DOCK2: variants seen among roughly 807,000 people sequenced by gnomAD.
DOCK2 encodes dedicator of cytokinesis 2, also known as dedicator of cytokinesis protein 2.
Under a neutral mutation model 248.9 loss-of-function variants are expected in DOCK2, and 87 were observed. The observed-to-expected ratio is 0.35, with a 90% CI of 0.29 to 0.42. The LOEUF is 0.42. DOCK2 is among the 10% of genes least tolerant of loss of function. The pLI is 1.00. For synonymous variants in DOCK2, 805 were observed against 821.6 expected, an observed-to-expected ratio of 0.98 and a Z score of 0.35; for missense variants, 1,747 against 2,300.2, an observed-to-expected ratio of 0.76 and a Z score of 4.92.
At chr5:169,868,756 A>G (rs554191173) in intron 27 of DOCK2, among the ~76,000 whole-genome samples, 5 of 152,320 alleles carry the variant, frequency 3.3e-5, no homozygotes, top group African/African-American at 1.2e-4. Context: ...AGTTGTCCCC[A>G]TCTCAAAAAG....
chr5:169,867,777 A>G (rs542702029), intron 27 of DOCK2, among the ~76,000 whole-genome samples: 33 of 152,026 alleles, frequency 2.2e-4, no homozygotes, highest in Non-Finnish European at 4.0e-4. Flanking sequence ...CTGCACCCCT[A>G]TTTGTCTGGG....
intron 25 of DOCK2, among the ~76,000 whole-genome samples, chr5:169,800,612 T>G (rs1157333501): frequency 6.6e-6 from 1 of 152,212 alleles, no homozygotes; most frequent in Non-Finnish European, 1.5e-5. Flanking sequence ...AAGTCTTCTA[T>G]GAACCTTCTG....
chr5:170,070,042 C>T (rs780995709), intron 46 of DOCK2, among the ~76,000 whole-genome samples: 8 of 152,192 alleles, frequency 5.3e-5, no homozygotes, highest in African/African-American at 1.7e-4. Context: ...TCGGCTAGAT[C>T]CCTCTCATAG....
intron 23 of DOCK2, among the ~76,000 whole-genome samples, chr5:169,749,992 T>C (rs1420512900): frequency 6.6e-6 from 1 of 152,160 alleles, no homozygotes. Context: ...TGTTGGGATA[T>C]CTGGAGAGAG....
rs1767111264 is a variant in DOCK2 at position 169,803,223 on chromosome 5, A to C, written c.2703+17A>C. On this transcript the variant is annotated intron_variant, in intron 26 of 51. Transcript: ENST00000520908. The stretch of plus-strand genomic sequence containing the variant: ...CAGGATGCGGTGAGTCCTCCTGATG[A>C]TGTAGATATCCTGGACTCAGACTAG... The C allele has an allele frequency of 2.5e-6, 4 of 1,610,160 alleles. No homozygotes were observed. The East Asian group carries it at 8.9e-5, about 36-fold the overall frequency.
chr5:170,034,627 C>A (rs563350306), intron 35 of DOCK2, 72 bp downstream of exon 35: 10 of 1,573,714 alleles, frequency 6.4e-6, no homozygotes, highest in African/African-American at 1.4e-5. Context: ...TTGGGTCTCA[C>A]GATTGTTCTT....
At chr5:170,042,328 A>G (rs966507912) in intron 38 of DOCK2, among the ~76,000 whole-genome samples, 196 bp downstream of exon 38, 1 of 152,134 alleles carries the variant, frequency 6.6e-6, no homozygotes, top group African/African-American at 2.4e-5. Flanking sequence ...TCACCTGGAC[A>G]CTGCGATGGA....
chr5:169,733,045 G>A (rs1036362461), intron 22 of DOCK2, among the ~76,000 whole-genome samples: 1 of 152,084 alleles, frequency 6.6e-6, no homozygotes, highest in African/African-American at 2.4e-5. Flanking sequence ...CTGTTATGAA[G>A]AGATAAGAGG....
At chr5:169,978,428 G>A (rs1348774574) in intron 27 of DOCK2, among the ~76,000 whole-genome samples, 1 of 146,688 alleles carries the variant, frequency 6.8e-6, no homozygotes, top group Non-Finnish European at 1.5e-5. Context: ...TGCATTAGAG[G>A]TTGTTAAATA....
chr5:169,833,270 T>C (rs1769346808), intron 26 of DOCK2, among the ~76,000 whole-genome samples: 1 of 152,242 alleles, frequency 6.6e-6, no homozygotes, highest in Non-Finnish European at 1.5e-5. Flanking sequence ...CTTCTAAATA[T>C]TCAAACATGA....
intron 27 of DOCK2, among the ~76,000 whole-genome samples, chr5:169,921,534 T>C (rs1775174476): frequency 6.6e-6 from 1 of 152,344 alleles, no homozygotes; most frequent in Admixed American, 6.5e-5. Flanking sequence ...TGGAAAATGT[T>C]GCCTCTTTCC....
At chr5:169,804,485 T>TGTGC (rs61431388) in intron 26 of DOCK2, among the ~76,000 whole-genome samples, 2,573 of 67,858 alleles carry the variant, frequency 0.038, 38 homozygotes, top group East Asian at 0.082. Flanking sequence ...TGTGTGTGTG[T>TGTGC]GCGCGCGCGC....
intron 23 of DOCK2, among the ~76,000 whole-genome samples, chr5:169,758,508 G>A (rs1264249735): frequency 6.6e-6 from 1 of 152,126 alleles, no homozygotes; most frequent in South Asian, 2.1e-4. Context: ...ATTAAAAAAG[G>A]GATGAAGGCA....
chr5:170,081,706 G>T (rs146080331), intron 50 of DOCK2, 136 bp from the exon 51 acceptor site: 331 of 1,002,606 alleles, frequency 3.3e-4, no homozygotes, highest in Non-Finnish European at 4.5e-4. Flanking sequence ...TAGGCATCCT[G>T]CCTCCTGCTT....
At chr5:170,022,876 T>C (rs764699542) in intron 33 of DOCK2, among the ~76,000 whole-genome samples, 3 of 152,176 alleles carry the variant, frequency 2.0e-5, no homozygotes, top group African/African-American at 2.4e-5. Flanking sequence ...GATGGAGGCA[T>C]TTAGACCCCC....
intron 22 of DOCK2, among the ~76,000 whole-genome samples, chr5:169,728,881 G>A (rs1328012837): frequency 6.6e-6 from 1 of 152,176 alleles, no homozygotes; most frequent in Admixed American, 6.5e-5. Context: ...TTTAAATGGT[G>A]TGGAATGAGG....
intron 26 of DOCK2, among the ~76,000 whole-genome samples, chr5:169,810,242 G>T (rs1409591770): frequency 6.6e-6 from 1 of 152,014 alleles, no homozygotes; most frequent in Non-Finnish European, 1.5e-5. Flanking sequence ...GTGCTAGCAG[G>T]GTATTCTTCT....
intron 27 of DOCK2, among the ~76,000 whole-genome samples, chr5:169,944,209 TATGTAACTG>T (rs1776358102): frequency 6.6e-6 from 1 of 152,160 alleles, no homozygotes; most frequent in South Asian, 2.1e-4. Context: ...GCCCTGGATT[TATGTAACTG>T]AGAGCTGGTG....
chr5:169,686,762 T>C (rs1175263427), intron 8 of DOCK2, among the ~76,000 whole-genome samples: 1 of 152,220 alleles, frequency 6.6e-6, no homozygotes, highest in East Asian at 1.9e-4. Flanking sequence ...GATGTTTTAA[T>C]GTTGGACTGA....
Sources: gnomAD v4.1 joint callset for allele counts (sites outside exome capture counted in the v4.1 genomes callset) on GRCh38, gnomAD v4.1.1 for gene constraint, MANE v1.5 for transcripts, NCBI Gene and HGNC (gene_info 2026-07-23, HGNC 2026-07-21) for gene names.